PACC1: variants seen among roughly 807,000 people sequenced by gnomAD.
PACC1 encodes proton activated chloride channel 1, also known as proton-activated chloride channel.
PACC1 carries 34 observed loss-of-function variants against 39.7 expected under a neutral mutation model. That is an observed-to-expected ratio of 0.86 (90% CI 0.65 to 1.14). The LOEUF is 1.14. PACC1 is among the 50% of genes most tolerant of loss of function. PACC1 has a pLI of 0.00. For missense variants in PACC1, 379 were observed against 436.4 expected, an observed-to-expected ratio of 0.87 and a Z score of 1.17; for synonymous variants, 127 against 160.6, an observed-to-expected ratio of 0.79 and a Z score of 1.58.
chr1:212,391,423 C>T (rs1661316243), intron 2 of PACC1, among the ~76,000 whole-genome samples: 1 of 152,176 alleles, frequency 6.6e-6, no homozygotes, highest in South Asian at 2.1e-4. Context: ...AGGACATCCA[C>T]ACCAAAACCC....
intron 1 of PACC1, among the ~76,000 whole-genome samples, chr1:212,413,655 C>G (rs1057130005): frequency 6.6e-6 from 1 of 152,116 alleles, no homozygotes; most frequent in Non-Finnish European, 1.5e-5. Context: ...TAGGAGGTGG[C>G]AAAGGTAATG....
chr1:212,379,128 A>G (rs965834483), intron 5 of PACC1, among the ~76,000 whole-genome samples: 6 of 151,954 alleles, frequency 3.9e-5, no homozygotes, highest in Non-Finnish European at 7.4e-5. Context: ...TATTTTTAGT[A>G]GAGATGGGGT....
At chr1:212,410,841 C>T (rs12239580) in intron 1 of PACC1, among the ~76,000 whole-genome samples, 66,228 of 152,072 alleles carry the variant, frequency 0.44, 15,186 homozygotes, top group African/African-American at 0.58. Context: ...CCTTCTTCTA[C>T]GAGTGGTGAG....
intron 1 of PACC1, chr1:212,414,216 C>T (rs1372887078): frequency 4.3e-6 from 4 of 919,812 alleles, no homozygotes; most frequent in African/African-American, 3.4e-5. Flanking sequence ...GTTAGGTGGT[C>T]ACCAAAAAAC....
intron 4 of PACC1, among the ~76,000 whole-genome samples, chr1:212,380,974 A>G (rs1465193623): frequency 6.6e-6 from 1 of 152,272 alleles, no homozygotes; most frequent in East Asian, 1.9e-4. Flanking sequence ...CAACTTTTAT[A>G]AATAAATGCT....
Position 212,364,091 on chromosome 1 carries a change from T to C in PACC1, c.*1124A>G, listed in dbSNP as rs1660149091. ...CTCTTTGAAGCAACAGGCACATAAATAATTTAAAACTCTGGAAACAATTTT... is the reference window on the plus strand; with the variant it reads ...CTCTTTGAAGCAACAGGCACATAAACAATTTAAAACTCTGGAAACAATTTT... On this transcript the variant is annotated 3_prime_UTR_variant, in exon 8 of 8. Coordinates refer to ENST00000261455, the MANE Select transcript of PACC1 (RefSeq NM_018252.3). 1 of 152,224 alleles carries C rather than the reference T, an allele frequency of 6.6e-6. No homozygotes were observed. Among genetic ancestry groups the C allele is most frequent in the Admixed American group, 6.5e-5 (1 of 15,286 alleles). 9.4% of individuals were successfully genotyped at this position (152,224 alleles called of 1,614,324 possible). A position where few individuals can be genotyped will look rare whatever the true frequency, so the allele number is the denominator to read the frequency against.
chr1:212,390,501 G>C (rs1252322617), intron 2 of PACC1, among the ~76,000 whole-genome samples: 2 of 151,740 alleles, frequency 1.3e-5, no homozygotes, highest in East Asian at 3.9e-4. Context: ...CCAGTCTACA[G>C]CTCCCAGCGA....
chr1:212,384,815 C>G (rs1051908322), intron 4 of PACC1, among the ~76,000 whole-genome samples: 4 of 152,240 alleles, frequency 2.6e-5, no homozygotes, highest in African/African-American at 4.8e-5. Context: ...CAGACCGACG[C>G]TCCTTTACGC....
chr1:212,400,791 T>C (rs1221188269), intron 2 of PACC1, among the ~76,000 whole-genome samples: 2 of 152,194 alleles, frequency 1.3e-5, no homozygotes, highest in African/African-American at 4.8e-5. Flanking sequence ...AAGATGTTCC[T>C]GGGAAAGGTA....
intron 1 of PACC1, among the ~76,000 whole-genome samples, chr1:212,411,274 C>T (rs1187117459): frequency 2.6e-5 from 4 of 152,118 alleles, no homozygotes; most frequent in African/African-American, 9.7e-5. Flanking sequence ...AGAGGAAATA[C>T]GGCTTAGAGT....
At chr1:212,374,690 T>A (rs186197122) in intron 7 of PACC1, among the ~76,000 whole-genome samples, 115 of 152,344 alleles carry the variant, frequency 7.5e-4, no homozygotes, top group African/African-American at 2.5e-3. Context: ...TCAATTTTTT[T>A]AAAATATGGC....
chr1:212,391,794 T>C (rs555188408), intron 2 of PACC1, among the ~76,000 whole-genome samples: 7 of 152,124 alleles, frequency 4.6e-5, no homozygotes, highest in Non-Finnish European at 8.8e-5. Flanking sequence ...ACATGATGAA[T>C]GCACAAGCTT....
chr1:212,367,220 C>T (rs1333235449), intron 7 of PACC1, among the ~76,000 whole-genome samples: 1 of 152,160 alleles, frequency 6.6e-6, no homozygotes, highest in East Asian at 1.9e-4. Flanking sequence ...GCCAAAAAAC[C>T]AGGTGAGAGA....
chr1:212,396,492 G>T (rs1390232018), intron 2 of PACC1, among the ~76,000 whole-genome samples: 2 of 151,908 alleles, frequency 1.3e-5, no homozygotes, highest in Non-Finnish European at 2.9e-5. Flanking sequence ...TGTAAATGAC[G>T]AGTTAATTGG....
At chr1:212,383,430 G>A (rs769885624) in intron 4 of PACC1, among the ~76,000 whole-genome samples, 9 of 152,172 alleles carry the variant, frequency 5.9e-5, no homozygotes, top group Non-Finnish European at 1.2e-4. Flanking sequence ...TTTACAGAGA[G>A]ATGAAGGGAG....
intron 2 of PACC1, among the ~76,000 whole-genome samples, chr1:212,396,836 C>G (rs1661543723): frequency 6.9e-6 from 1 of 145,924 alleles, no homozygotes; most frequent in African/African-American, 2.6e-5. Context: ...ATCTATCTAT[C>G]TATCTATCTA....
intron 1 of PACC1, among the ~76,000 whole-genome samples, chr1:212,414,507 C>G (rs1465121203): frequency 6.6e-6 from 1 of 152,186 alleles, no homozygotes; most frequent in African/African-American, 2.4e-5. Context: ...CCGCAGCATA[C>G]GGAGAACGCT....
intron 7 of PACC1, among the ~76,000 whole-genome samples, chr1:212,368,674 T>TA (rs374203801): frequency 4.2e-5 from 6 of 144,020 alleles, no homozygotes; most frequent in Non-Finnish European, 3.1e-5. Flanking sequence ...AATACACAAA[T>TA]AAAAAAAAAA....
chr1:212,367,822 C>T (rs945999255), intron 7 of PACC1, among the ~76,000 whole-genome samples: 1 of 152,152 alleles, frequency 6.6e-6, no homozygotes, highest in African/African-American at 2.4e-5. Context: ...TCCCAAATGG[C>T]ACTTCTAAAC....
Sources: gnomAD v4.1 joint callset for allele counts (sites outside exome capture counted in the v4.1 genomes callset) on GRCh38, gnomAD v4.1.1 for gene constraint, MANE v1.5 for transcripts, NCBI Gene and HGNC (gene_info 2026-07-23, HGNC 2026-07-21) for gene names.